RASGRF1: variants seen among roughly 807,000 people sequenced by gnomAD.
RASGRF1 encodes the protein ras-specific guanine nucleotide-releasing factor 1.
Under a neutral mutation model 138.7 loss-of-function variants are expected in RASGRF1, and 40 were observed. The observed-to-expected ratio is 0.29, with a 90% CI of 0.22 to 0.38. The LOEUF (loss-of-function observed/expected upper bound fraction) is 0.38, where lower values mean the gene tolerates loss of function less well. RASGRF1 is among the 10% of genes least tolerant of loss of function. The pLI, the probability that RASGRF1 is intolerant of heterozygous loss-of-function variation, is 1.00. For missense variants in RASGRF1, 1,108 were observed against 1,650.4 expected (o/e 0.67, Z 5.69); for synonymous variants, 614 against 663.2 (o/e 0.93, Z 1.14).
chr15:79,077,849 T>C (rs1037388435), intron 1 of RASGRF1, among the ~76,000 whole-genome samples: 4 of 147,728 alleles, frequency 2.7e-5, no homozygotes, highest in African/African-American at 1.0e-4. Flanking sequence ...CATCCCGCCT[T>C]TTGGGAGTTC....
intron 1 of RASGRF1, among the ~76,000 whole-genome samples, chr15:79,072,374 C>T (rs1218649707): frequency 7.2e-6 from 1 of 137,956 alleles, no homozygotes; most frequent in Non-Finnish European, 1.5e-5. Context: ...CTCCCGGGTT[C>T]ATGCCATTCT....
At chr15:79,089,001 G>A (rs2058017682) in intron 1 of RASGRF1, among the ~76,000 whole-genome samples, 1 of 152,222 alleles carries the variant, frequency 6.6e-6, no homozygotes, top group Admixed American at 6.5e-5. Context: ...GAGAGACTGA[G>A]CTCGGATCTC....
intron 19 of RASGRF1, among the ~76,000 whole-genome samples, chr15:78,996,643 C>T (rs1488390742): frequency 2.6e-5 from 4 of 152,168 alleles, no homozygotes; most frequent in Admixed American, 1.3e-4. Flanking sequence ...GGCTCCCCTC[C>T]GAGGGTGGCT....
chr15:78,971,981 T>G, intron 25 of RASGRF1, 47 bp from the exon 26 acceptor site: 1 of 1,492,548 alleles, frequency 6.7e-7, no homozygotes. Context: ...CTCTCCTAGT[T>G]CCACCCCCAA....
At chr15:79,065,385 G>A (rs917251706) in intron 1 of RASGRF1, among the ~76,000 whole-genome samples, 6 of 152,042 alleles carry the variant, frequency 3.9e-5, no homozygotes, top group African/African-American at 1.5e-4. Flanking sequence ...GGAGGGGGAG[G>A]GGGCTGTACA....
At chr15:78,978,937 C>T in intron 24 of RASGRF1, 1 of 1,281,124 alleles carries the variant, frequency 7.8e-7, no homozygotes, top group African/African-American at 1.5e-5. Context: ...CACGGGCCCA[C>T]AGGCCACCTG....
chr15:79,014,771 G>T (rs2056851125), intron 13 of RASGRF1, among the ~76,000 whole-genome samples: 1 of 152,010 alleles, frequency 6.6e-6, no homozygotes, highest in African/African-American at 2.4e-5. Flanking sequence ...CAAAACATTA[G>T]CCAGGCATGG....
In RASGRF1 at chr15:79,006,023, T is replaced by C. The variant is rs2056664829; in HGVS notation, c.2075+163A>G. ...TCTCTGCAGAGGGAGGCTTGGTTCCTGGGGAGAGGGGGCAGTGGCGGTGTG... is the reference window on the plus strand; with the variant it reads ...TCTCTGCAGAGGGAGGCTTGGTTCCCGGGGAGAGGGGGCAGTGGCGGTGTG... On this transcript the variant is annotated intron_variant, in intron 14 of 26. Coordinates refer to ENST00000558480, the MANE Select transcript of RASGRF1 (RefSeq NM_001145648.3). The surrounding 1 kb of genome is among the most constrained non-coding windows in gnomAD (Gnocchi z 4.0). Among the ~76,000 whole-genome samples the C allele has an allele frequency of 6.6e-6, 1 of 152,150 alleles. No homozygotes were observed. Among genetic ancestry groups the C allele is most frequent in the South Asian group, 2.1e-4 (1 of 4,834 alleles).
chr15:79,074,494 G>A (rs2057805876), intron 1 of RASGRF1, among the ~76,000 whole-genome samples: 1 of 152,356 alleles, frequency 6.6e-6, no homozygotes, highest in South Asian at 2.1e-4. Flanking sequence ...TGAGGGCAGG[G>A]CCAGTACCCT....
At chr15:78,988,912 C>T (rs1233385647) in intron 22 of RASGRF1, among the ~76,000 whole-genome samples, 1 of 149,248 alleles carries the variant, frequency 6.7e-6, no homozygotes, top group Non-Finnish European at 1.5e-5. Flanking sequence ...CTACCACACA[C>T]CAGTTAGGAG....
Position 79,061,046 on chromosome 15 carries a change from G to A in RASGRF1, c.384-2565C>T, listed in dbSNP as rs563221367. Among the ~76,000 whole-genome samples the A allele has an allele frequency of 1.4e-4, 22 of 152,304 alleles. No individual in the cohort carries two copies. In the South Asian group the frequency reaches 4.4e-3, roughly 30 times the overall value. On this transcript the variant is annotated intron_variant, in intron 2 of 26. Coordinates refer to ENST00000558480, the MANE Select transcript of RASGRF1 (RefSeq NM_001145648.3). Reference sequence around the variant, plus strand: ...GGGCAGTGAGAAATCTGAGGCTGGAGAGTTACTAGCTTGAGGATGGAGGAG... The same window carrying A: ...GGGCAGTGAGAAATCTGAGGCTGGAAAGTTACTAGCTTGAGGATGGAGGAG...
chr15:79,022,937 G>C (rs2056982220), intron 10 of RASGRF1, among the ~76,000 whole-genome samples: 1 of 152,206 alleles, frequency 6.6e-6, no homozygotes, highest in Non-Finnish European at 1.5e-5. Context: ...CACTTTGGGA[G>C]GCCGAGGCAG....
intron 1 of RASGRF1, among the ~76,000 whole-genome samples, chr15:79,086,853 C>G (rs1355626347): frequency 6.6e-6 from 1 of 152,186 alleles, no homozygotes; most frequent in Admixed American, 6.5e-5. Flanking sequence ...GGGTATGGAA[C>G]ACCAAGGGCC....
intron 24 of RASGRF1, chr15:78,979,110 G>A (rs938023805): frequency 2.3e-6 from 3 of 1,289,884 alleles, no homozygotes; most frequent in African/African-American, 1.5e-5. Flanking sequence ...GTGAATGCAC[G>A]GAGGGGGCAG....
intron 3 of RASGRF1, among the ~76,000 whole-genome samples, chr15:79,051,458 C>G (rs2057429593): frequency 6.8e-6 from 1 of 146,912 alleles, no homozygotes; most frequent in South Asian, 2.1e-4. Flanking sequence ...AAGGAACACG[C>G]AAGCGTACAC....
chr15:78,991,632 G>T (rs1768462212), intron 21 of RASGRF1, 59 bp downstream of exon 21: 2 of 1,343,700 alleles, frequency 1.5e-6, no homozygotes, highest in Non-Finnish European at 1.1e-6. Flanking sequence ...CTTCCAGGGT[G>T]CTGTCCAAGA....
intron 19 of RASGRF1, among the ~76,000 whole-genome samples, chr15:78,996,043 G>A (rs927287071): frequency 1.3e-5 from 2 of 152,226 alleles, no homozygotes; most frequent in Non-Finnish European, 2.9e-5. Flanking sequence ...GGCTGGGTGG[G>A]AATGGCCTTT....
intron 5 of RASGRF1, among the ~76,000 whole-genome samples, chr15:79,043,434 C>T (rs941825089): frequency 1.3e-5 from 2 of 152,152 alleles, no homozygotes; most frequent in Admixed American, 6.5e-5. Flanking sequence ...ACCTGGGCTA[C>T]GCTGGGCTCT....
In RASGRF1 at chr15:79,006,521, C is replaced by G; in HGVS notation, c.1827-87G>C. 2 of 1,452,950 alleles carry G rather than the reference C, an allele frequency of 1.4e-6. No homozygotes were observed. Among genetic ancestry groups the G allele is most frequent in the South Asian group, 2.6e-5 (2 of 77,492 alleles). The allele number at this position is 1,452,950 out of a possible 1,614,324, so 90.0% of individuals were successfully genotyped here. A position where few individuals can be genotyped will look rare whatever the true frequency, so the allele number is the denominator to read the frequency against. ...CAGGCCTGCTCATCACTGCTTCCCC[C>G]ACACACTGACAACACAGGATGGTCT... is the stretch of plus-strand genomic sequence containing the variant. On this transcript the variant is annotated intron_variant, in intron 13 of 26. Coordinates refer to ENST00000558480, the MANE Select transcript of RASGRF1 (RefSeq NM_001145648.3). The surrounding 1 kb of genome is among the most constrained non-coding windows in gnomAD (Gnocchi z 4.0).
Sources: gnomAD v4.1 joint callset for allele counts (sites outside exome capture counted in the v4.1 genomes callset) on GRCh38, gnomAD v4.1.1 for gene constraint, Gnocchi (gnomAD v3.1) non-coding constraint, MANE v1.5 for transcripts, NCBI Gene and HGNC (gene_info 2026-07-23, HGNC 2026-07-21) for gene names.